The following EIF2B3 variants were observed in gnomAD, a reference collection of about 807,000 sequenced individuals.
EIF2B3 encodes translation initiation factor eIF2B subunit gamma.
EIF2B3 carries 20 observed loss-of-function variants against 54.1 expected under a neutral mutation model. The ratio of observed to expected loss-of-function variants is 0.37; its 90% confidence interval spans 0.26 to 0.54. The LOEUF (loss-of-function observed/expected upper bound fraction) is 0.54. Among genes scored for constraint, EIF2B3 ranks in the 20% least tolerant of loss-of-function variants. The probability of loss-of-function intolerance (pLI) is 0.86; values close to 1 mark genes in which losing one functional copy is unlikely to be tolerated. For synonymous variants in EIF2B3, 153 were observed against 188.1 expected (o/e 0.81, Z 1.52); for missense variants, 448 against 547.8 (o/e 0.82, Z 1.82).
chr1:44,923,594 A>G (rs1259567286), intron 5 of EIF2B3, among the ~76,000 whole-genome samples: 1 of 151,976 alleles, frequency 6.6e-6, no homozygotes, highest in African/African-American at 2.4e-5. Flanking sequence ...CAGTCTAGAA[A>G]CCCAGTTCCT....
In EIF2B3 at chr1:44,896,551, G is replaced by C. The variant is rs188537968; in HGVS notation, c.656+804C>G. Among the ~76,000 whole-genome samples the C allele has an allele frequency of 2.6e-5, 4 of 152,314 alleles. No homozygotes were observed. The East Asian group carries it at 7.7e-4, about 29-fold the overall frequency. On this transcript the variant is annotated intron_variant, in intron 6 of 11. Transcript: ENST00000360403. Reference sequence around the variant, plus strand: ...GTCGGAGATACCTCTTGCTACTGTGGTATCTGTTCACCTAGATAAGTTTCC... The same window carrying C: ...GTCGGAGATACCTCTTGCTACTGTGCTATCTGTTCACCTAGATAAGTTTCC...
intron 8 of EIF2B3, 68 bp from the exon 9 acceptor site, chr1:44,875,763 C>G: frequency 8.0e-7 from 1 of 1,242,722 alleles, no homozygotes; most frequent in Non-Finnish European, 1.2e-6. Context: ...CTCCCTCTCC[C>G]TCTACCTCTC....
rs183900598 is a variant in EIF2B3 at position 44,919,594 on chromosome 1, C to G, written c.566+7034G>C. ...ATATGATCATCTTGAAGAAATCATT[C>G]CCAAGTTTTCTGACCTATTCCAGTG... On this transcript the variant is annotated intron_variant, in intron 5 of 11. Coordinates refer to ENST00000360403, the MANE Select transcript of EIF2B3 (RefSeq NM_020365.5). Among the ~76,000 whole-genome samples the G allele has an allele frequency of 2.1e-4, 32 of 152,132 alleles. No individual in the cohort carries two copies. In the East Asian group the frequency reaches 5.2e-3, roughly 25 times the overall value.
intron 3 of EIF2B3, among the ~76,000 whole-genome samples, chr1:44,957,396 A>C (rs1427825843): frequency 6.6e-6 from 1 of 152,266 alleles, no homozygotes; most frequent in East Asian, 1.9e-4. Flanking sequence ...AAAGTACATG[A>C]ACAATTTACA....
Position 44,955,172 on chromosome 1 carries a change from A to G in EIF2B3, c.295-13507T>C, listed in dbSNP as rs188835566. On this transcript the variant is annotated intron_variant, in intron 3 of 11. Transcript: ENST00000360403. ...GCATGGTACTGGTACCAAAACAGATATATAGACCAGTGGAACAGAGGCCTC... is the reference window on the plus strand; with the variant it reads ...GCATGGTACTGGTACCAAAACAGATGTATAGACCAGTGGAACAGAGGCCTC... 2.4e-3 allele frequency among the ~76,000 whole-genome samples: 362 copies of G among 152,310 alleles called. 2 individuals carry two copies. Among genetic ancestry groups the G allele is most frequent in the African/African-American group, 8.3e-3 (346 of 41,576 alleles).
intron 10 of EIF2B3, among the ~76,000 whole-genome samples, chr1:44,862,365 C>T (rs1006523433): frequency 2.0e-5 from 3 of 152,134 alleles, no homozygotes; most frequent in African/African-American, 2.4e-5. Context: ...AAAACTGTAA[C>T]GTTTCAGTGG....
intron 3 of EIF2B3, among the ~76,000 whole-genome samples, chr1:44,966,979 C>T (rs1477390408): frequency 6.6e-6 from 1 of 151,804 alleles, no homozygotes; most frequent in African/African-American, 2.4e-5. Context: ...CTATGGCCAG[C>T]TAATTTTTAT....
chr1:44,977,937 T>A (rs1644469325), intron 3 of EIF2B3, among the ~76,000 whole-genome samples: 1 of 152,242 alleles, frequency 6.6e-6, no homozygotes, highest in Non-Finnish European at 1.5e-5. Context: ...AATAAAGTTT[T>A]GTAAACTATA....
intron 5 of EIF2B3, among the ~76,000 whole-genome samples, chr1:44,897,726 T>A (rs528506124): frequency 6.6e-6 from 1 of 151,702 alleles, no homozygotes; most frequent in Non-Finnish European, 1.5e-5. Context: ...CTTCTTCTAT[T>A]TGATCGTTAA....
chr1:44,957,245 G>A (rs181797345), intron 3 of EIF2B3, among the ~76,000 whole-genome samples: 5 of 119,358 alleles, frequency 4.2e-5, no homozygotes, highest in South Asian at 2.6e-4. Flanking sequence ...TAGCCTAGGC[G>A]ACAGGGCAAG....
At chr1:44,968,155 G>A (rs1460547781) in intron 3 of EIF2B3, among the ~76,000 whole-genome samples, 2 of 152,046 alleles carry the variant, frequency 1.3e-5, no homozygotes, top group Non-Finnish European at 2.9e-5. Flanking sequence ...TTTGAGTCCA[G>A]GAGTGTGAGA....
At chr1:44,856,092 T>C (rs1034203170) in intron 11 of EIF2B3, among the ~76,000 whole-genome samples, 5 of 152,108 alleles carry the variant, frequency 3.3e-5, no homozygotes, top group Non-Finnish European at 7.4e-5. Flanking sequence ...AGAGGTATAA[T>C]GGCACGGTAT....
At chr1:44,958,524 G>A in intron 3 of EIF2B3, 2 of 1,259,142 alleles carry the variant, frequency 1.6e-6, no homozygotes, top group Non-Finnish European at 2.2e-6. Context: ...TTTATGGGCT[G>A]TCTTTAGCTT....
chr1:44,959,237 G>A, intron 3 of EIF2B3: 2 of 696,066 alleles, frequency 2.9e-6, no homozygotes, highest in East Asian at 2.6e-5. Flanking sequence ...AAATCAGGGT[G>A]ATGGAGATGG....
At position 44,981,093 on chromosome 1, in the gene EIF2B3, G is replaced by A; in HGVS notation, c.76C>T (p.Pro26Ser). ...MTDLTSSIPK[P>S]LLPVGNKPLI... ...GGTTTGTTCCCAACTGGAAGCAGAGGTTTGGGAATGCTGGAAGTTAGGTCT... is the reference window on the plus strand; with the variant it reads ...GGTTTGTTCCCAACTGGAAGCAGAGATTTGGGAATGCTGGAAGTTAGGTCT... Residue 26 changes from proline (P) to serine (S), a missense_variant, in exon 2 of 12, where the codon CCT becomes TCT. By Grantham distance (74) the Pro-to-Ser change is moderately conservative. Coordinates refer to ENST00000360403, the MANE Select transcript of EIF2B3 (RefSeq NM_020365.5). 1 of 1,613,256 alleles carries A rather than the reference G, an allele frequency of 6.2e-7. No homozygotes were observed. The highest frequency in any genetic ancestry group is 8.5e-7 in the Non-Finnish European group (1 of 1,179,960).
At chr1:44,978,082 T>G (rs2148964163) in intron 3 of EIF2B3, among the ~76,000 whole-genome samples, 1 of 152,160 alleles carries the variant, frequency 6.6e-6, no homozygotes, top group African/African-American at 2.4e-5. Context: ...AAATACAAAA[T>G]TAGCCAGGCA....
intron 4 of EIF2B3, among the ~76,000 whole-genome samples, chr1:44,928,935 A>C (rs976021885): frequency 6.6e-6 from 1 of 152,212 alleles, no homozygotes; most frequent in African/African-American, 2.4e-5. Flanking sequence ...CTAGGTATGA[A>C]TCCCAGCTCA....
intron 3 of EIF2B3, among the ~76,000 whole-genome samples, chr1:44,942,400 TATATATATATATATA>T (rs1487337139): frequency 1.6e-4 from 3 of 19,268 alleles, no homozygotes; most frequent in African/African-American, 9.0e-4. Context: ...TATATATATA[TATATATATATATATA>T]TATTTTTTTT....
At chr1:44,981,909 C>T (rs1403719302) in intron 1 of EIF2B3, among the ~76,000 whole-genome samples, 1 of 143,324 alleles carries the variant, frequency 7.0e-6, no homozygotes, top group Non-Finnish European at 1.5e-5. Flanking sequence ...GACCACTGCA[C>T]TCCAACCTGT....
Sources: allele counts gnomAD v4.1 joint callset (sites outside exome capture counted in the v4.1 genomes callset), GRCh38; gene constraint gnomAD v4.1.1; transcripts MANE v1.5; gene names NCBI Gene and HGNC (gene_info 2026-07-23, HGNC 2026-07-21).